USP46: variants seen among roughly 807,000 people sequenced by gnomAD.
USP46 encodes the protein ubiquitin carboxyl-terminal hydrolase 46.
USP46 carries 12 observed loss-of-function variants against 44.4 expected under a neutral mutation model. The observed-to-expected ratio is 0.27, with a 90% CI of 0.17 to 0.44. The LOEUF (loss-of-function observed/expected upper bound fraction) is 0.44. Ranked by LOEUF, USP46 falls within the 20% of genes least tolerant of loss-of-function variation. The pLI is 1.00. For missense variants in USP46, 248 were observed against 444.8 expected (o/e 0.56, Z 3.98); for synonymous variants, 155 against 161.5 (o/e 0.96, Z 0.31).
intron 1 of USP46, among the ~76,000 whole-genome samples, chr4:52,655,959 G>A (rs112602605): frequency 6.4e-4 from 97 of 152,276 alleles, no homozygotes; most frequent in African/African-American, 2.1e-3. Flanking sequence ...GGAAAAGAGG[G>A]GATGTTTAGT....
At position 52,595,880 on chromosome 4, in the gene USP46, C is replaced by T. The variant is rs1339265962; in HGVS notation, c.*1760G>A. On this transcript the variant is annotated 3_prime_UTR_variant, in exon 9 of 9. Coordinates refer to ENST00000441222, the MANE Select transcript of USP46 (RefSeq NM_022832.4). ...TCCTTAAAAAGAGATCAAAACTCAC[C>T]TTCCAGGTAGTGATTACTGCGTAAG... 1 of 152,488 alleles carries T rather than the reference C, an allele frequency of 6.6e-6. No individual in the cohort carries two copies. The allele number at this position is 152,488 out of a possible 1,614,324, so 9.4% of individuals were successfully genotyped here.
At chr4:52,630,195 C>T (rs1338578677) in intron 2 of USP46, among the ~76,000 whole-genome samples, 1 of 152,128 alleles carries the variant, frequency 6.6e-6, no homozygotes, top group African/African-American at 2.4e-5. Flanking sequence ...CATTAACCTG[C>T]CAAGGAAGCA....
At chr4:52,628,321 T>G in intron 2 of USP46, 158 bp from the exon 3 acceptor site, 1 of 630,312 alleles carries the variant, frequency 1.6e-6, no homozygotes. Context: ...TTAACTACTC[T>G]AAACACCAGT....
At chr4:52,609,050 T>C (rs1716812177) in intron 5 of USP46, among the ~76,000 whole-genome samples, 1 of 152,194 alleles carries the variant, frequency 6.6e-6, no homozygotes, top group South Asian at 2.1e-4. Flanking sequence ...GGAAAAAACA[T>C]CTTTCTTTCT....
At chr4:52,628,432 TAAAG>T (rs1717681053) in intron 2 of USP46, 7 of 366,664 alleles carry the variant, frequency 1.9e-5, no homozygotes, top group African/African-American at 1.2e-4. Context: ...TCTACCTCAA[TAAAG>T]AGTCTAACGA....
At chr4:52,658,051 G>A in intron 1 of USP46, 3 of 355,882 alleles carry the variant, frequency 8.4e-6, no homozygotes, top group South Asian at 6.2e-5. Flanking sequence ...TAGCTTCAAG[G>A]GAGGTTTTCC....
chr4:52,643,847 G>A (rs959081522), intron 1 of USP46, among the ~76,000 whole-genome samples: 4 of 152,160 alleles, frequency 2.6e-5, no homozygotes, highest in African/African-American at 9.7e-5. Context: ...AGCAGATCTG[G>A]GATTCAAACC....
chr4:52,614,597 T>C (rs2109613252), intron 4 of USP46, among the ~76,000 whole-genome samples: 1 of 152,226 alleles, frequency 6.6e-6, no homozygotes, highest in East Asian at 1.9e-4. Flanking sequence ...ATGAAGAGAA[T>C]TCATTGATAT....
chr4:52,621,651 G>T (rs1407577057), intron 4 of USP46, among the ~76,000 whole-genome samples: 1 of 151,450 alleles, frequency 6.6e-6, no homozygotes, highest in African/African-American at 2.4e-5. Flanking sequence ...GCAAGAGTCT[G>T]TCTCACACAC....
intron 1 of USP46, chr4:52,656,386 T>C (rs1299722680): frequency 2.4e-6 from 3 of 1,271,662 alleles, no homozygotes; most frequent in Non-Finnish European, 3.1e-6. Flanking sequence ...AGTTTCCTCA[T>C]ACCCAGCCTT....
At chr4:52,604,617 T>C in intron 5 of USP46, 33 bp from the exon 6 acceptor site, 1 of 1,464,504 alleles carries the variant, frequency 6.8e-7, no homozygotes, top group South Asian at 1.2e-5. Context: ...CTTTAAAAAA[T>C]GTCCAAATCT....
At chr4:52,632,990 A>AAGGAAAAGAAAAG (rs1553891310) in intron 1 of USP46, among the ~76,000 whole-genome samples, 8 of 66,296 alleles carry the variant, frequency 1.2e-4, no homozygotes, top group Non-Finnish European at 2.4e-4. Context: ...GAAAGAAAAG[A>AAGGAAAAGAAAAG]AAAGAAAGAA....
At chr4:52,629,040 A>G (rs566032804) in intron 2 of USP46, among the ~76,000 whole-genome samples, 1 of 152,370 alleles carries the variant, frequency 6.6e-6, no homozygotes, top group South Asian at 2.1e-4. Flanking sequence ...GCACAATAAA[A>G]TTTAAAGAAA....
At chr4:52,614,363 C>A (rs551723893) in intron 4 of USP46, among the ~76,000 whole-genome samples, 1 of 152,194 alleles carries the variant, frequency 6.6e-6, no homozygotes, top group Admixed American at 6.5e-5. Flanking sequence ...AGAAGGTCAG[C>A]CAAGGTGCCT....
chr4:52,612,909 T>A (rs1716985520), intron 4 of USP46, among the ~76,000 whole-genome samples: 1 of 152,224 alleles, frequency 6.6e-6, no homozygotes, highest in South Asian at 2.1e-4. Context: ...ATGTTTACTG[T>A]CTGTCTCCCC....
intron 7 of USP46, among the ~76,000 whole-genome samples, chr4:52,599,421 G>C (rs1003090542): frequency 1.3e-5 from 2 of 152,102 alleles, no homozygotes; most frequent in Admixed American, 6.6e-5. Context: ...CAGAGTGAGC[G>C]AGGCGGGGAA....
rs141366995 is a variant in USP46 at position 52,636,352 on chromosome 4, G to C, written c.37-5208C>G. Among the ~76,000 whole-genome samples the C allele has an allele frequency of 5.0e-3, 757 of 152,208 alleles. 8 individuals carry two copies. The highest frequency in any genetic ancestry group is 0.018 in the African/African-American group (732 of 41,518). On this transcript the variant is annotated intron_variant, in intron 1 of 8. Transcript: ENST00000441222. The stretch of plus-strand genomic sequence containing the variant: ...CCTGGTACCACCTTGATTTTAGCCC[G>C]GTGAGACCCATTTCAGACTTCTGAC...
rs1214031527 is a variant in USP46 at position 52,601,912 on chromosome 4, C to A, written c.865G>T (p.Ala289Ser). ...ELRLFNTSSD[A>S]VNLDRMYDLV... ...TCATACATGCGGTCCAGGTTCACTG[C>A]ATCACTGGAGGTGTTGAAGAGCCGG... The change falls in exon 7 of 9, where the codon GCA becomes TCA. Residue 289 changes from alanine to serine, a missense_variant. Ala to Ser is a moderately conservative substitution (Grantham distance 99). This residue lies in a region of USP46 where 98 missense variants were observed against 218.2 expected (regional missense o/e 0.45). Transcript: ENST00000441222. 6.2e-7 allele frequency: 1 copy of A among 1,613,988 alleles called. No individual in the cohort carries two copies. Among genetic ancestry groups the A allele is most frequent in the East Asian group, 2.2e-5 (1 of 44,888 alleles).
At chr4:52,598,473 G>T in intron 8 of USP46, 155 bp downstream of exon 8, 1 of 703,710 alleles carries the variant, frequency 1.4e-6, no homozygotes. Context: ...CATGGAGCAT[G>T]GGGATTAGCA....
Sources: allele counts gnomAD v4.1 joint callset (sites outside exome capture counted in the v4.1 genomes callset), GRCh38; gene constraint gnomAD v4.1.1; regional missense constraint gnomAD v4.1.1; transcripts MANE v1.5; gene names NCBI Gene and HGNC (gene_info 2026-07-23, HGNC 2026-07-21).